MARCHF1: variants seen among roughly 807,000 people sequenced by gnomAD.
MARCHF1 encodes the protein E3 ubiquitin-protein ligase MARCHF1.
In MARCHF1, 40 loss-of-function variants were observed where a neutral mutation model predicts 54.2. The ratio of observed to expected loss-of-function variants is 0.74; its 90% CI spans 0.57 to 0.96. The LOEUF (loss-of-function observed/expected upper bound fraction) is 0.96, where lower values mean the gene tolerates loss of function less well. Ranked by LOEUF, MARCHF1 falls within the 40% of genes least tolerant of loss-of-function variation. The pLI, the probability that MARCHF1 is intolerant of heterozygous loss-of-function variation, is 0.00. For synonymous variants in MARCHF1, 236 were observed against 236.3 expected, an observed-to-expected ratio of 1.00 and a Z score of 0.01; for missense variants, 586 against 656.5, an observed-to-expected ratio of 0.89 and a Z score of 1.17.
At chr4:164,352,717 A>C (rs1274765984) in intron 1 of MARCHF1, among the ~76,000 whole-genome samples, 34 of 147,666 alleles carry the variant, frequency 2.3e-4, no homozygotes, top group African/African-American at 7.6e-4. Context: ...CGAGCAAAAT[A>C]ACCAGCTAAC....
chr4:164,189,855 C>T, intron 1 of MARCHF1: 3 of 1,594,868 alleles, frequency 1.9e-6, no homozygotes, highest in Non-Finnish European at 2.6e-6. Context: ...TCGTGGGGTC[C>T]CACAGATTGA....
chr4:164,036,799 A>G (rs932028600), intron 2 of MARCHF1, among the ~76,000 whole-genome samples: 33 of 152,178 alleles, frequency 2.2e-4, no homozygotes, highest in African/African-American at 7.7e-4. Flanking sequence ...TGGTGAGAAT[A>G]TGAAGCAAGG....
intron 5 of MARCHF1, among the ~76,000 whole-genome samples, chr4:163,631,496 A>T (rs1298815444): frequency 6.6e-6 from 1 of 152,170 alleles, no homozygotes; most frequent in Non-Finnish European, 1.5e-5. Context: ...CCAGGCCAAG[A>T]CATTCTTATA....
At chr4:163,987,950 G>A (rs866836462) in intron 3 of MARCHF1, among the ~76,000 whole-genome samples, 1 of 152,162 alleles carries the variant, frequency 6.6e-6, no homozygotes, top group Non-Finnish European at 1.5e-5. Context: ...AAATATAAAT[G>A]TACAGATATC....
intron 1 of MARCHF1, among the ~76,000 whole-genome samples, chr4:164,152,021 G>A (rs759998284): frequency 5.3e-5 from 8 of 151,990 alleles, no homozygotes; most frequent in Non-Finnish European, 1.0e-4. Flanking sequence ...AGTGCCTACT[G>A]TTTGCCAAGC....
intron 3 of MARCHF1, among the ~76,000 whole-genome samples, chr4:163,965,257 G>T (rs1348391257): frequency 6.6e-6 from 1 of 151,900 alleles, no homozygotes; most frequent in African/African-American, 2.4e-5. Flanking sequence ...CCATTCAAAC[G>T]TGGGAAGGAT....
At chr4:164,006,203 G>C (rs902134996) in intron 2 of MARCHF1, among the ~76,000 whole-genome samples, 1 of 152,136 alleles carries the variant, frequency 6.6e-6, no homozygotes, top group African/African-American at 2.4e-5. Flanking sequence ...AGAAGACTCA[G>C]TGATCTCCAA....
intron 4 of MARCHF1, among the ~76,000 whole-genome samples, chr4:163,751,133 T>TTGTGTGTG (rs70948664): frequency 2.1e-4 from 31 of 147,390 alleles, no homozygotes; most frequent in South Asian, 1.8e-3. Flanking sequence ...TATTACCACT[T>TTGTGTGTG]TGTGTGTGTG....
chr4:163,724,135 T>G (rs560741087), intron 4 of MARCHF1, among the ~76,000 whole-genome samples: 64 of 152,322 alleles, frequency 4.2e-4, no homozygotes, highest in African/African-American at 1.2e-3. Context: ...CTGCTCTGTT[T>G]TTTCCCCATC....
chr4:164,119,884 C>T (rs1756027692), intron 1 of MARCHF1, among the ~76,000 whole-genome samples: 1 of 151,792 alleles, frequency 6.6e-6, no homozygotes, highest in Non-Finnish European at 1.5e-5. Context: ...GAACAAGAAT[C>T]AGATTTTTTC....
chr4:164,009,076 T>C (rs978436585), intron 2 of MARCHF1, among the ~76,000 whole-genome samples: 1 of 151,868 alleles, frequency 6.6e-6, no homozygotes, highest in African/African-American at 2.4e-5. Context: ...AGACTAAGAA[T>C]AAAGGATAGA....
At chr4:164,249,572 T>C (rs1455918650) in intron 1 of MARCHF1, among the ~76,000 whole-genome samples, 1 of 151,976 alleles carries the variant, frequency 6.6e-6, no homozygotes, top group African/African-American at 2.4e-5. Flanking sequence ...TTTGTAGATA[T>C]CAGGGAATCC....
intron 2 of MARCHF1, among the ~76,000 whole-genome samples, chr4:164,071,267 C>A (rs1001076285): frequency 2.6e-5 from 4 of 152,068 alleles, no homozygotes; most frequent in Non-Finnish European, 5.9e-5. Flanking sequence ...AAAACCATGA[C>A]AGTATTCTTG....
At chr4:164,010,120 G>T (rs1357867119) in intron 2 of MARCHF1, among the ~76,000 whole-genome samples, 1 of 137,644 alleles carries the variant, frequency 7.3e-6, no homozygotes, top group African/African-American at 2.8e-5. Flanking sequence ...AGGCTGGACT[G>T]CAGTGGCGCA....
chr4:164,254,372 AAAGTT>A (rs1320989857), intron 1 of MARCHF1, among the ~76,000 whole-genome samples: 6 of 148,642 alleles, frequency 4.0e-5, no homozygotes, highest in Non-Finnish European at 5.9e-5. Flanking sequence ...CCCTTTATAT[AAAGTT>A]AATACTTAAC....
Position 163,597,170 on chromosome 4 carries a change from C to G in MARCHF1, c.1011-11241G>C, listed in dbSNP as rs550075357. ...ACGCGGTTTCGCCATGTTGGCCAGG[C>G]TGGTCTCAAACTCCTGACCTCAGGT... is the stretch of plus-strand genomic sequence containing the variant. On this transcript the variant is annotated intron_variant, in intron 7 of 9. Transcript: ENST00000514618. 5.9e-5 allele frequency among the ~76,000 whole-genome samples: 9 copies of G among 152,236 alleles called. No individual in the cohort carries two copies. The South Asian group carries it at 1.9e-3, about 32-fold the overall frequency.
At chr4:163,888,433 T>C (rs972533323) in intron 3 of MARCHF1, among the ~76,000 whole-genome samples, 1 of 152,146 alleles carries the variant, frequency 6.6e-6, no homozygotes, top group African/African-American at 2.4e-5. Context: ...TTGAAGAAAA[T>C]ATAATTTCAA....
intron 4 of MARCHF1, among the ~76,000 whole-genome samples, chr4:163,818,061 T>C (rs943140046): frequency 6.6e-6 from 1 of 151,184 alleles, no homozygotes; most frequent in Admixed American, 6.6e-5. Context: ...TGTATACATA[T>C]GTAACTAACC....
intron 4 of MARCHF1, among the ~76,000 whole-genome samples, chr4:163,711,811 C>G (rs1271765135): frequency 6.6e-6 from 1 of 152,178 alleles, no homozygotes; most frequent in Non-Finnish European, 1.5e-5. Context: ...TGCTCATACT[C>G]ATTGCAAATT....
Sources: allele counts gnomAD v4.1 joint callset (sites outside exome capture counted in the v4.1 genomes callset), GRCh38; gene constraint gnomAD v4.1.1; transcripts MANE v1.5; gene names NCBI Gene and HGNC (gene_info 2026-07-23, HGNC 2026-07-21).